Variants in KRT78 observed in about 807,000 individuals in gnomAD.
KRT78 encodes the protein keratin 78, also known as keratin, type II cytoskeletal 78.
A neutral mutation model predicts 51.4 loss-of-function variants in KRT78; 55 were observed. The observed-to-expected ratio is 1.07, with a 90% confidence interval of 0.86 to 1.34. KRT78 has a LOEUF of 1.34. KRT78 is among the 40% of genes most tolerant of loss of function. The probability of loss-of-function intolerance (pLI) is 0.00; values close to 1 mark genes in which losing one functional copy is unlikely to be tolerated. For synonymous variants in KRT78, 291 were observed against 264.3 expected, an observed-to-expected ratio of 1.10 and a Z score of -0.98; for missense variants, 652 against 649.4, an observed-to-expected ratio of 1.00 and a Z score of -0.04.
At chr12:52,840,885 C>G (rs918810713) in intron 6 of KRT78, among the ~76,000 whole-genome samples, 4 of 152,188 alleles carry the variant, frequency 2.6e-5, no homozygotes, top group Non-Finnish European at 5.9e-5. Context: ...GGCTCCAGGA[C>G]TGGGAGAGAT....
chr12:52,846,227 G>T lies in KRT78; in HGVS notation c.726C>A (p.Tyr242Ter), dbSNP rs1388164029. 9 of 1,613,614 alleles carry T rather than the reference G, an allele frequency of 5.6e-6. No individual in the cohort carries two copies. The highest frequency in any genetic ancestry group is 1.3e-5 in the African/African-American group (1 of 74,848). Residue 242 changes from tyrosine (Y) to a stop codon, truncating the protein, a stop_gained, in exon 4 of 9, where the codon TAC becomes TAA. Transcript: ENST00000304620. LOFTEE classifies it high-confidence loss of function. The part of the protein sequence containing the change: ...LEGKLEALRE[Y>*]LYFLKHLNEE... ...CATTCAGATGCTTCAAGAAGTAGAG[G>T]TACTCTCTCAGAGCCTCCAGCTTGC...
At chr12:52,846,110 C>T (rs950876157) in intron 4 of KRT78, 87 bp downstream of exon 4, 8 of 857,408 alleles carry the variant, frequency 9.3e-6, no homozygotes, top group Non-Finnish European at 1.4e-5. Context: ...CAGACTTCCC[C>T]TCTTGGCCAT....
chr12:52,843,756 G>A (rs1024195478), intron 6 of KRT78, among the ~76,000 whole-genome samples: 1 of 151,242 alleles, frequency 6.6e-6, no homozygotes, highest in Non-Finnish European at 1.5e-5. Flanking sequence ...GAAAACAGAT[G>A]AATTAACCAT....
rs771629694 is a variant in KRT78, at chr12:52,848,530, G to A, written c.384+17C>T. On this transcript the variant is annotated intron_variant, in intron 1 of 8. Coordinates refer to ENST00000304620, the MANE Select transcript of KRT78 (RefSeq NM_173352.4). Reference sequence around the variant, plus strand: ...AGGGAGGCACAGAGACAGGGGCTTGGCTGAGTTGACCCTCACCTTGTCAAT... The same window carrying A: ...AGGGAGGCACAGAGACAGGGGCTTGACTGAGTTGACCCTCACCTTGTCAAT... The A allele has an allele frequency of 2.8e-5, 45 of 1,612,452 alleles. No individual in the cohort carries two copies. In the Middle Eastern group the frequency reaches 4.9e-4, roughly 18 times the overall value.
chr12:52,848,674 A>T lies in KRT78; in HGVS notation c.257T>A (p.Val86Glu), dbSNP rs1429256049. The T allele has an allele frequency of 6.2e-7, 1 of 1,613,478 alleles. No homozygotes were observed. Among genetic ancestry groups the T allele is most frequent in the African/African-American group, 1.3e-5 (1 of 74,784 alleles). ...GGTCAGCAGATTCTGGTTGATGGTCACTTCTTGGATGCCCCCCGGAGGGCA... is the reference window on the plus strand; with the variant it reads ...GGTCAGCAGATTCTGGTTGATGGTCTCTTCTTGGATGCCCCCCGGAGGGCA... ...SLCPPGGIQE[V>E]TINQNLLTPL... The change falls in exon 1 of 9, where the codon GTG (valine) becomes GAG (glutamate). Residue 86 changes from valine to glutamate, a missense_variant. Val to Glu is a moderately radical substitution (Grantham distance 121, BLOSUM62 -2). Coordinates refer to ENST00000304620, the MANE Select transcript of KRT78 (RefSeq NM_173352.4).
chr12:52,842,976 A>G, intron 6 of KRT78, among the ~76,000 whole-genome samples: 1 of 72,554 alleles, frequency 1.4e-5, no homozygotes, highest in African/African-American at 6.9e-5. Context: ...GAAGGAAGGA[A>G]GGAAGGAAGG....
rs757041243 is a variant in KRT78 at position 52,844,621 on chromosome 12, C to T, written c.859G>A (p.Ala287Thr). Reference protein sequence around the residue: ...DFSSIITEVRARYEEIARSSK... With the variant: ...DFSSIITEVRTRYEEIARSSK... Reference sequence around the variant, plus strand: ...CTCCGGGCGATCTCCTCGTACCGGGCGCGGACCTCAGTGATGATGCTGCTG... The same window carrying T: ...CTCCGGGCGATCTCCTCGTACCGGGTGCGGACCTCAGTGATGATGCTGCTG... Residue 287 changes from alanine to threonine, a missense_variant, in exon 5 of 9, where the codon GCC (alanine) becomes ACC (threonine). By Grantham distance (58) the Ala-to-Thr change is moderately conservative. Transcript: ENST00000304620. The T allele has an allele frequency of 9.3e-6, 15 of 1,614,038 alleles. No homozygotes were observed. The highest frequency in any genetic ancestry group is 3.3e-5 in the Admixed American group (2 of 59,998).
In KRT78 at chr12:52,848,805, A is replaced by T. The variant is rs1187926443; in HGVS notation, c.126T>A (p.Asn42Lys). Residue 42 changes from asparagine (N) to lysine (K), a missense_variant, in exon 1 of 9, where the codon AAT becomes AAA. Asn to Lys is a moderately conservative substitution (Grantham distance 94). Coordinates refer to ENST00000304620, the MANE Select transcript of KRT78 (RefSeq NM_173352.4). Reference sequence around the variant, plus strand: ...AGCCTTCCAGGCACCCCCCAAAGGAATTAAGGCTCCTGCTGCTGAAGCCGC... The same window carrying T: ...AGCCTTCCAGGCACCCCCCAAAGGATTTAAGGCTCCTGCTGCTGAAGCCGC... ...SRGGFSSRSL[N>K]SFGGCLEGSR... is the part of the protein sequence containing the mutation. 1.2e-6 allele frequency: 2 copies of T among 1,611,504 alleles called. No individual in the cohort carries two copies.
At chr12:52,840,567 C>T (rs1164340243) in intron 6 of KRT78, among the ~76,000 whole-genome samples, 2 of 152,044 alleles carry the variant, frequency 1.3e-5, no homozygotes, top group African/African-American at 2.4e-5. Flanking sequence ...ATTAGCTGAC[C>T]ATAGTGGCAC....
At chr12:52,847,121 T>C (rs1472777098) in intron 2 of KRT78, among the ~76,000 whole-genome samples, 4 of 152,200 alleles carry the variant, frequency 2.6e-5, no homozygotes, top group Non-Finnish European at 5.9e-5. Flanking sequence ...TTGGGTTTTA[T>C]CAGAGAGATT....
At chr12:52,840,090 T>A in intron 6 of KRT78, 106 bp from the exon 7 acceptor site, 1 of 764,348 alleles carries the variant, frequency 1.3e-6, no homozygotes, top group South Asian at 1.8e-5. Flanking sequence ...ATCATAATCT[T>A]ATGAGCTCAA....
Position 52,839,159 on chromosome 12 carries a change from AGGATGGTGTGGCAGCT to A in KRT78, c.1501_1516del (p.Ser501Ter). On this transcript the variant is annotated frameshift_variant, in exon 9 of 9. Coordinates refer to ENST00000304620, the MANE Select transcript of KRT78 (RefSeq NM_173352.4). LOFTEE classifies it high-confidence loss of function. Reference sequence around the variant, plus strand: ...CAGACTCGACTCAACTGTCTTCTTCAGGATGGTGTGGCAGCTGGAGCCAGCGCTGGAGCCAGACACA... The same window carrying A: ...CAGACTCGACTCAACTGTCTTCTTCAGGAGCCAGCGCTGGAGCCAGACACA... 1 of 1,613,492 alleles carries A rather than the reference AGGATGGTGTGGCAGCT, an allele frequency of 6.2e-7. No individual in the cohort carries two copies. The highest frequency in any genetic ancestry group is 2.2e-5 in the East Asian group (1 of 44,882).
Position 52,847,949 on chromosome 12 carries a change from T to C in KRT78, c.557A>G (p.Glu186Gly). Residue 186 changes from glutamate (E) to glycine (G), a missense_variant, in exon 2 of 9, where the codon GAG becomes GGG. Glu to Gly is a moderately conservative substitution (Grantham distance 98). Transcript: ENST00000304620. Reference protein sequence around the residue: ...LQGERGALDAELKACRDQEEE... With the variant: ...LQGERGALDAGLKACRDQEEE... ...CTCCTGGTCCCGGCAGGCCTTCAAC[T>C]CAGCATCCAGAGCCCCTCGTTCTCC... is the stretch of plus-strand genomic sequence containing the variant. 1 of 1,614,150 alleles carries C rather than the reference T, an allele frequency of 6.2e-7. No homozygotes were observed. Among genetic ancestry groups the C allele is most frequent in the South Asian group, 1.1e-5 (1 of 91,088 alleles).
chr12:52,846,161 C>G (rs750656068), intron 4 of KRT78, 36 bp downstream of exon 4: 2 of 1,486,388 alleles, frequency 1.3e-6, no homozygotes, highest in Non-Finnish European at 1.9e-6. Context: ...CCAGTCCTCT[C>G]TCTTGGCTGC....
chr12:52,848,596 G>A lies in KRT78; in HGVS notation c.335C>T (p.Thr112Ile), dbSNP rs775941571. ...GTTGTTGAGGGTTCTGATCTCCTGGGTCTCCTGCGTCCGCACCACCTGGAA... is the reference window on the plus strand; with the variant it reads ...GTTGTTGAGGGTTCTGATCTCCTGGATCTCCTGCGTCCGCACCACCTGGAA... ...PQFQVVRTQE[T>I]QEIRTLNNQF... The change falls in exon 1 of 9, where the codon ACC becomes ATC. Residue 112 changes from threonine (T) to isoleucine (I), a missense_variant. Transcript: ENST00000304620. The A allele has an allele frequency of 6.2e-7, 1 of 1,614,076 alleles. No individual in the cohort carries two copies. Among genetic ancestry groups the A allele is most frequent in the East Asian group, 2.2e-5 (1 of 44,882 alleles).
intron 5 of KRT78, 26 bp from the exon 6 acceptor site, chr12:52,844,244 A>G (rs1159270962): frequency 6.4e-7 from 1 of 1,567,594 alleles, no homozygotes; most frequent in Non-Finnish European, 8.6e-7. Context: ...AGGGGACACC[A>G]TTAGTTGAGA....
intron 1 of KRT78, 188 bp from the exon 2 acceptor site, chr12:52,848,309 T>C: frequency 6.5e-7 from 1 of 1,528,332 alleles, no homozygotes; most frequent in Non-Finnish European, 8.8e-7. Context: ...GACTGACTAA[T>C]GGGGCAGGGC....
At chr12:52,840,084 T>A (rs1174875355) in intron 6 of KRT78, 100 bp from the exon 7 acceptor site, 16 of 805,040 alleles carry the variant, frequency 2.0e-5, no homozygotes, top group Non-Finnish European at 3.0e-5. Context: ...GGGCGGATCA[T>A]AATCTTATGA....
rs1468075065 is a variant in KRT78, at chr12:52,846,762, A to G, written c.660+2T>C. The G allele has an allele frequency of 6.2e-7, 1 of 1,612,940 alleles. No homozygotes were observed. The highest frequency in any genetic ancestry group is 8.5e-7 in the Non-Finnish European group (1 of 1,179,432). On this transcript the variant is annotated splice_donor_variant, in intron 3 of 8. Transcript: ENST00000304620. LOFTEE classifies it high-confidence loss of function. ...AAGTGGAGCACTGGCCCCCACCCTC[A>G]CCTTCTTGAGGACCACAAAGTCGTT...
Sources: gnomAD v4.1 joint callset for allele counts (sites outside exome capture counted in the v4.1 genomes callset) on GRCh38, gnomAD v4.1.1 for gene constraint, MANE v1.5 for transcripts, NCBI Gene and HGNC (gene_info 2026-07-23, HGNC 2026-07-21) for gene names.